Variants in SF1 observed in about 807,000 individuals in gnomAD.
SF1 encodes branch point-binding protein.
SF1 carries 7 observed loss-of-function variants against 62.5 expected under a neutral mutation model. The ratio of observed to expected loss-of-function variants is 0.11; its 90% CI spans 0.06 to 0.21. The LOEUF (loss-of-function observed/expected upper bound fraction) is 0.21. Ranked by LOEUF, SF1 falls within the 10% of genes least tolerant of loss-of-function variation. The pLI, the probability that SF1 is intolerant of heterozygous loss-of-function variation, is 1.00. For missense variants in SF1, 578 were observed against 884.0 expected (o/e 0.65, Z 4.39); for synonymous variants, 394 against 323.6 (o/e 1.22, Z -2.33).
chr11:64,777,470 G>C, intron 1 of SF1: 2 of 982,368 alleles, frequency 2.0e-6, no homozygotes, highest in Non-Finnish European at 2.4e-6. Context: ...AGAAAGATCA[G>C]ACCCAACCAT....
At chr11:64,775,030 G>A (rs1938956288) in intron 2 of SF1, among the ~76,000 whole-genome samples, 1 of 151,682 alleles carries the variant, frequency 6.6e-6, no homozygotes, top group Non-Finnish European at 1.5e-5. Flanking sequence ...AGACAGAAAA[G>A]TAGTAAGACA....
intron 5 of SF1, 113 bp from the exon 6 acceptor site, chr11:64,769,722 T>C (rs1183744663): frequency 9.8e-7 from 1 of 1,019,646 alleles, no homozygotes; most frequent in African/African-American, 1.6e-5. Context: ...GAATTGGATT[T>C]TCCCACCAAG....
chr11:64,775,429 T>A (rs523964), intron 2 of SF1, among the ~76,000 whole-genome samples: 2 of 152,202 alleles, frequency 1.3e-5, no homozygotes, highest in Non-Finnish European at 2.9e-5. Context: ...TGAGACACAA[T>A]GGAATGGGTG....
chr11:64,772,899 C>G (rs1238801970), intron 3 of SF1: 2 of 986,704 alleles, frequency 2.0e-6, no homozygotes, highest in Non-Finnish European at 2.4e-6. Flanking sequence ...ATGGCCAAGG[C>G]TGAAAGTTAA....
intron 8 of SF1, 64 bp from the exon 9 acceptor site, chr11:64,768,350 T>C: frequency 6.7e-7 from 1 of 1,491,498 alleles, no homozygotes; most frequent in East Asian, 2.3e-5. Flanking sequence ...GAAGCTTTTA[T>C]CCTGAGGAAC....
intron 3 of SF1, among the ~76,000 whole-genome samples, chr11:64,771,185 A>G (rs1938262937): frequency 6.6e-6 from 1 of 152,230 alleles, no homozygotes; most frequent in Non-Finnish European, 1.5e-5. Flanking sequence ...CAGAGTTTAC[A>G]AGTCCAGAAA....
Position 64,767,855 on chromosome 11 carries a change from G to A in SF1, c.1069-11C>T, listed in dbSNP as rs1212209350. 6.2e-7 allele frequency: 1 copy of A among 1,605,204 alleles called. No homozygotes were observed. Among genetic ancestry groups the A allele is most frequent in the Non-Finnish European group, 8.5e-7 (1 of 1,177,286 alleles). On this transcript the variant is annotated splice_polypyrimidine_tract_variant and intron_variant, in intron 9 of 12. Coordinates refer to ENST00000377390, the MANE Select transcript of SF1 (RefSeq NM_004630.4). ...GGTAGACATGAGAGACTACGTGAGA[G>A]CATTTCCTGCCAACGTCCCTGCCTG...
chr11:64,772,428 G>A (rs1237538271), intron 3 of SF1: 22 of 985,098 alleles, frequency 2.2e-5, no homozygotes, highest in African/African-American at 3.5e-5. Flanking sequence ...AAATTAAAGA[G>A]TCAATATGGA....
At position 64,778,478 on chromosome 11, in the gene SF1, A is replaced by ATGCG. The variant is rs1199555464; in HGVS notation, c.-90_-87dup. ...AGCCTCCCGGGGGGAGGGGACCCGA[A>ATGCG]TGCGCTGCCGGAGCGCGCGGAGCCC... On this transcript the variant is annotated 5_prime_UTR_variant, in exon 1 of 13. Coordinates refer to ENST00000377390, the MANE Select transcript of SF1 (RefSeq NM_004630.4). 3 of 1,171,404 alleles carry ATGCG rather than the reference A, an allele frequency of 2.6e-6. No individual in the cohort carries two copies. Among genetic ancestry groups the ATGCG allele is most frequent in the African/African-American group, 3.3e-5 (2 of 60,890 alleles). 72.6% of individuals were successfully genotyped at this position (1,171,404 alleles called of 1,614,324 possible). A position where few individuals can be genotyped will look rare whatever the true frequency, so the allele number is the denominator to read the frequency against.
At chr11:64,767,160 G>A (rs751933544) in intron 11 of SF1, 32 bp downstream of exon 11, 1 of 1,613,816 alleles carries the variant, frequency 6.2e-7, no homozygotes, top group South Asian at 1.1e-5. Context: ...CCAAGCCTAG[G>A]TGAAGACCCA....
chr11:64,768,008 T>A, intron 9 of SF1, 98 bp downstream of exon 9: 1 of 1,457,774 alleles, frequency 6.9e-7, no homozygotes, highest in South Asian at 1.3e-5. Flanking sequence ...GCCATCCACA[T>A]CCATTGTCTG....
intron 1 of SF1, chr11:64,778,129 C>T (rs1454811257): frequency 7.8e-6 from 6 of 772,324 alleles, no homozygotes; most frequent in African/African-American, 7.6e-5. Context: ...GGGACGGTGG[C>T]GGTGGAGGCG....
At position 64,767,620 on chromosome 11, in the gene SF1, C is replaced by T. The variant is rs767001138; in HGVS notation, c.1293G>A (p.Pro431=). 22 of 1,586,232 alleles carry T rather than the reference C, an allele frequency of 1.4e-5. No individual in the cohort carries two copies. The highest frequency in any genetic ancestry group is 2.7e-5 in the African/African-American group (2 of 73,366). The change falls in exon 10 of 13, where the codon CCG becomes CCA. Residue 431 remains proline (P), a synonymous_variant. Coordinates refer to ENST00000377390, the MANE Select transcript of SF1 (RefSeq NM_004630.4). The stretch of plus-strand genomic sequence containing the variant: ...CAGGAGGGTGGGGGCCCTGGTTCAT[C>T]GGTGGTGGTGGTGGCTGCATCCAAG... ...PPPWMQPPPP[P]MNQGPHPPGH...
intron 3 of SF1, chr11:64,771,469 GTT>G: frequency 6.1e-6 from 6 of 985,376 alleles, no homozygotes; most frequent in Non-Finnish European, 7.2e-6. Flanking sequence ...TATACCCTTG[GTT>G]TAGTTGAGAG....
chr11:64,778,456 C>G lies in SF1; in HGVS notation c.-64G>C. 3 of 1,214,990 alleles carry G rather than the reference C, an allele frequency of 2.5e-6. No homozygotes were observed. The highest frequency in any genetic ancestry group is 2.0e-6 in the Non-Finnish European group (2 of 976,012). The allele number at this position is 1,214,990 out of a possible 1,614,324, so 75.3% of individuals were successfully genotyped here. ...CTGCGGCGGCTTCTCCTTCGCAAGC[C>G]TCCCGGGGGGAGGGGACCCGAATGC... On this transcript the variant is annotated 5_prime_UTR_variant, in exon 1 of 13. Transcript: ENST00000377390.
chr11:64,767,030 A>T lies in SF1; in HGVS notation c.1452T>A (p.Pro484=), dbSNP rs529648050. 1.3e-6 allele frequency: 2 copies of T among 1,543,246 alleles called. No homozygotes were observed. Among genetic ancestry groups the T allele is most frequent in the Admixed American group, 1.9e-5 (1 of 51,770 alleles). ...GAGGGGGTGGGGGCTGCCCACTGGG[A>T]GGCGGCGGCGGCGGCGGCATCATGC... The part of the protein sequence containing the change: ...PMGMMPPPPP[P]PSGQPPPPPS... Residue 484 remains proline (P), a synonymous_variant, in exon 12 of 13, where the codon CCT becomes CCA. Transcript: ENST00000377390.
Position 64,765,451 on chromosome 11 carries a change from G to C in SF1, c.*367C>G. The C allele has an allele frequency of 3.1e-6, 5 of 1,609,430 alleles. No homozygotes were observed. Among genetic ancestry groups the C allele is most frequent in the Non-Finnish European group, 4.3e-6 (5 of 1,176,048 alleles). On this transcript the variant is annotated 3_prime_UTR_variant, in exon 13 of 13. Coordinates refer to ENST00000377390, the MANE Select transcript of SF1 (RefSeq NM_004630.4). ...CGTTGCTGAGGCTGTCTGCCTGGAA[G>C]GGTCACCAATGGGCGCGGAAAGTCC...
chr11:64,769,890 C>T (rs1938025162), intron 5 of SF1, 74 bp downstream of exon 5: 1 of 1,157,090 alleles, frequency 8.6e-7, no homozygotes, highest in Non-Finnish European at 1.3e-6. Context: ...CAACAGTCCC[C>T]AATTAGGCAC....
rs754694567 is a variant in SF1 at position 64,767,263 on chromosome 11, G to C, written c.1343-12C>G. 8 of 1,613,584 alleles carry C rather than the reference G, an allele frequency of 5.0e-6. No individual in the cohort carries two copies. Among genetic ancestry groups the C allele is most frequent in the Admixed American group, 3.3e-5 (2 of 60,020 alleles). On this transcript the variant is annotated splice_polypyrimidine_tract_variant and intron_variant, in intron 10 of 12. Transcript: ENST00000377390. ...TCCCAGGTACTGATCTTGATGGAAG[G>C]AAAGAGCAGGGACTTAGCAGGACAT...
Sources: allele counts gnomAD v4.1 joint callset (sites outside exome capture counted in the v4.1 genomes callset), GRCh38; gene constraint gnomAD v4.1.1; transcripts MANE v1.5; gene names NCBI Gene and HGNC (gene_info 2026-07-23, HGNC 2026-07-21).